Variants in SLC16A10 observed in about 807,000 individuals in gnomAD.
The protein encoded by SLC16A10 is solute carrier family 16 member 10, also known as monocarboxylate transporter 10.
In SLC16A10, 27 loss-of-function variants were observed where a neutral mutation model predicts 40.0. That is an observed-to-expected ratio of 0.67 (90% confidence interval 0.50 to 0.93). SLC16A10 has a LOEUF of 0.93. SLC16A10 is among the 40% of genes least tolerant of loss of function. The pLI is 0.00. For synonymous variants in SLC16A10, 213 were observed against 249.8 expected, an observed-to-expected ratio of 0.85 and a Z score of 1.39; for missense variants, 529 against 658.2, an observed-to-expected ratio of 0.80 and a Z score of 2.15.
At chr6:111,149,657 A>C (rs1772139173) in intron 1 of SLC16A10, among the ~76,000 whole-genome samples, 1 of 152,238 alleles carries the variant, frequency 6.6e-6, no homozygotes, top group Non-Finnish European at 1.5e-5. Context: ...ACCTTACTCC[A>C]AAATCAACTG....
At chr6:111,096,499 A>G (rs1379064320) in intron 1 of SLC16A10, among the ~76,000 whole-genome samples, 2 of 152,194 alleles carry the variant, frequency 1.3e-5, no homozygotes, top group Non-Finnish European at 2.9e-5. Flanking sequence ...CCACCACATA[A>G]GACAGATAGC....
chr6:111,157,644 A>G (rs953177151), intron 1 of SLC16A10, among the ~76,000 whole-genome samples: 3 of 152,204 alleles, frequency 2.0e-5, no homozygotes, highest in Admixed American at 2.0e-4. Flanking sequence ...TTAGCTAAAT[A>G]GTATCAGTGA....
chr6:111,171,344 G>A lies in SLC16A10; in HGVS notation c.344-1351G>A, dbSNP rs184419018. Among the ~76,000 whole-genome samples, 18 of 152,216 alleles carry A rather than the reference G, an allele frequency of 1.2e-4. 1 individual carries two copies. The East Asian group carries it at 3.5e-3, about 29-fold the overall frequency. ...GATTATAGTCTTCTTTCTGGTGAGG[G>A]AAGAAAGAAAATAGAAATATGGCTT... On this transcript the variant is annotated intron_variant, in intron 1 of 5. Coordinates refer to ENST00000368851, the MANE Select transcript of SLC16A10 (RefSeq NM_018593.5).
intron 1 of SLC16A10, among the ~76,000 whole-genome samples, chr6:111,092,352 C>G (rs1273927633): frequency 7.6e-6 from 1 of 130,926 alleles, no homozygotes; most frequent in Non-Finnish European, 1.6e-5. Flanking sequence ...CAGATTCTCA[C>G]TCTGTCGCCC....
At chr6:111,130,745 T>A (rs1263845936) in intron 1 of SLC16A10, among the ~76,000 whole-genome samples, 4 of 152,250 alleles carry the variant, frequency 2.6e-5, no homozygotes, top group Non-Finnish European at 4.4e-5. Context: ...TGCTCTGATA[T>A]AATCTACTAG....
intron 1 of SLC16A10, among the ~76,000 whole-genome samples, chr6:111,101,286 C>A (rs985781867): frequency 6.6e-6 from 1 of 151,950 alleles, no homozygotes; most frequent in Non-Finnish European, 1.5e-5. Flanking sequence ...TCCACCTCAG[C>A]CTCTGAAAGT....
chr6:111,147,959 A>T (rs1408911024), intron 1 of SLC16A10, among the ~76,000 whole-genome samples: 1 of 152,192 alleles, frequency 6.6e-6, no homozygotes, highest in East Asian at 1.9e-4. Flanking sequence ...TGATCACATC[A>T]CACCCATCCT....
chr6:111,132,133 ACCTGTT>A (rs1771794265), intron 1 of SLC16A10, among the ~76,000 whole-genome samples: 1 of 152,004 alleles, frequency 6.6e-6, no homozygotes, highest in Non-Finnish European at 1.5e-5. Flanking sequence ...GTTATGTAGG[ACCTGTT>A]CCCCACCATC....
chr6:111,213,878 G>A (rs1773382068), intron 4 of SLC16A10, among the ~76,000 whole-genome samples: 2 of 152,150 alleles, frequency 1.3e-5, no homozygotes, highest in Non-Finnish European at 2.9e-5. Flanking sequence ...TTCTGTCCTG[G>A]GTGCCTAGCC....
chr6:111,087,620 C>A lies in SLC16A10; in HGVS notation c.-133C>A. 1 of 440,630 alleles carries A rather than the reference C, an allele frequency of 2.3e-6. No individual in the cohort carries two copies. Among genetic ancestry groups the A allele is most frequent in the Non-Finnish European group, 3.4e-6 (1 of 290,728 alleles). The allele number at this position is 440,630 out of a possible 1,614,324, so 27.3% of individuals were successfully genotyped here. A position where few individuals can be genotyped will look rare whatever the true frequency, so the allele number is the denominator to read the frequency against. ...GGCCGCCTGCGCGCTGCCAGCCCGC[C>A]CGCCCGCCAGGGGCTCCGCCGCCCT... On this transcript the variant is annotated 5_prime_UTR_variant, in exon 1 of 6. Transcript: ENST00000368851.
intron 1 of SLC16A10, among the ~76,000 whole-genome samples, chr6:111,154,790 C>T (rs1314021226): frequency 4.0e-5 from 6 of 151,884 alleles, no homozygotes; most frequent in Non-Finnish European, 7.4e-5. Context: ...GTCAGGAGTT[C>T]GAGACCAGCC....
At chr6:111,102,231 A>G (rs2114443499) in intron 1 of SLC16A10, among the ~76,000 whole-genome samples, 1 of 152,308 alleles carries the variant, frequency 6.6e-6, no homozygotes, top group Non-Finnish European at 1.5e-5. Context: ...GGTATGAACA[A>G]CTTTATAACA....
intron 4 of SLC16A10, among the ~76,000 whole-genome samples, chr6:111,217,523 C>T (rs888620822): frequency 6.6e-6 from 1 of 152,178 alleles, no homozygotes. Context: ...GATCTCGGCT[C>T]ACTGCAAGCT....
At chr6:111,157,388 A>T (rs896550866) in intron 1 of SLC16A10, among the ~76,000 whole-genome samples, 7 of 151,762 alleles carry the variant, frequency 4.6e-5, no homozygotes, top group Admixed American at 3.9e-4. Flanking sequence ...GGTTCAAGCG[A>T]TTCTCCTGCC....
chr6:111,136,262 G>A (rs1250306103), intron 1 of SLC16A10, among the ~76,000 whole-genome samples: 1 of 152,208 alleles, frequency 6.6e-6, no homozygotes, highest in African/African-American at 2.4e-5. Context: ...AGAAAAAATA[G>A]GAATAGCTCT....
intron 1 of SLC16A10, among the ~76,000 whole-genome samples, chr6:111,120,012 A>G (rs778475071): frequency 2.0e-4 from 30 of 152,250 alleles, no homozygotes; most frequent in Non-Finnish European, 3.7e-4. Flanking sequence ...GGGGACATCC[A>G]TCTTAGAAAT....
At chr6:111,114,978 A>G (rs1771459683) in intron 1 of SLC16A10, among the ~76,000 whole-genome samples, 1 of 151,990 alleles carries the variant, frequency 6.6e-6, no homozygotes, top group Non-Finnish European at 1.5e-5. Context: ...TACATTATTT[A>G]AAAGTCACAT....
At chr6:111,091,241 A>T (rs149367798) in intron 1 of SLC16A10, 1 of 152,166 alleles carries the variant, frequency 6.6e-6, no homozygotes, top group Admixed American at 6.5e-5. Flanking sequence ...ATGAATTTGC[A>T]TGTCATCCTT....
At chr6:111,178,503 G>A in intron 3 of SLC16A10, 1 of 519,744 alleles carries the variant, frequency 1.9e-6, no homozygotes, top group South Asian at 1.4e-5. Flanking sequence ...GCTGATGCAG[G>A]AGTTCAAGAC....
Sources: allele counts gnomAD v4.1 joint callset (sites outside exome capture counted in the v4.1 genomes callset), GRCh38; gene constraint gnomAD v4.1.1; transcripts MANE v1.5; gene names NCBI Gene and HGNC (gene_info 2026-07-23, HGNC 2026-07-21).